DOK6: variants seen among roughly 807,000 people sequenced by gnomAD.
DOK6 encodes the protein downstream of tyrosine kinase 6.
Under a neutral mutation model 44.0 loss-of-function variants are expected in DOK6, and 22 were observed. The ratio of observed to expected loss-of-function variants is 0.50; its 90% CI spans 0.36 to 0.71. DOK6 has a LOEUF of 0.71. Ranked by LOEUF, DOK6 falls within the 30% of genes least tolerant of loss-of-function variation. DOK6 has a pLI of 0.00. For missense variants in DOK6, 340 were observed against 416.4 expected, an observed-to-expected ratio of 0.82 and a Z score of 1.60; for synonymous variants, 166 against 145.5, an observed-to-expected ratio of 1.14 and a Z score of -1.01.
intron 3 of DOK6, among the ~76,000 whole-genome samples, chr18:69,626,513 A>G (rs998246822): frequency 6.6e-6 from 1 of 152,226 alleles, no homozygotes; most frequent in African/African-American, 2.4e-5. Flanking sequence ...AGAAAAATCC[A>G]TGCTGGCAAA....
At chr18:69,691,055 G>A (rs1986253302) in intron 4 of DOK6, among the ~76,000 whole-genome samples, 1 of 151,846 alleles carries the variant, frequency 6.6e-6, no homozygotes, top group South Asian at 2.1e-4. Context: ...CATAGTGACA[G>A]GTGACTGTAA....
intron 7 of DOK6, among the ~76,000 whole-genome samples, chr18:69,784,030 A>G (rs1260290221): frequency 6.6e-6 from 1 of 152,114 alleles, no homozygotes; most frequent in Non-Finnish European, 1.5e-5. Context: ...ACCAAAAAAT[A>G]CAAAAAATTA....
chr18:69,448,701 C>T (rs1433129254), intron 1 of DOK6, among the ~76,000 whole-genome samples: 1 of 152,112 alleles, frequency 6.6e-6, no homozygotes, highest in Admixed American at 6.6e-5. Flanking sequence ...GTTGATTATA[C>T]CATCCTTGGT....
At chr18:69,512,379 CCCAGG>C (rs201802406) in intron 1 of DOK6, among the ~76,000 whole-genome samples, 5,974 of 142,514 alleles carry the variant, frequency 0.042, 178 homozygotes, top group Admixed American at 0.087. Flanking sequence ...CGCTCTGTCA[CCCAGG>C]CCAGGCTGGA....
intron 3 of DOK6, among the ~76,000 whole-genome samples, chr18:69,631,137 A>G (rs1006898360): frequency 2.0e-5 from 3 of 152,128 alleles, no homozygotes; most frequent in South Asian, 4.1e-4. Context: ...TCATTTTTGC[A>G]TTTCAGCATA....
chr18:69,762,925 C>A (rs966460577), intron 7 of DOK6, among the ~76,000 whole-genome samples: 1 of 152,176 alleles, frequency 6.6e-6, no homozygotes, highest in African/African-American at 2.4e-5. Context: ...AAGGTGAGAG[C>A]CTTAAAGTAA....
intron 5 of DOK6, among the ~76,000 whole-genome samples, chr18:69,700,968 A>G (rs1452654514): frequency 2.0e-5 from 3 of 152,236 alleles, no homozygotes; most frequent in Admixed American, 1.3e-4. Context: ...CTATTTATTT[A>G]TACTACTATA....
chr18:69,677,089 T>C (rs556764378), intron 3 of DOK6, among the ~76,000 whole-genome samples: 1 of 152,254 alleles, frequency 6.6e-6, no homozygotes, highest in African/African-American at 2.4e-5. Flanking sequence ...ATTTGTATTG[T>C]TTACAAAGAA....
intron 1 of DOK6, among the ~76,000 whole-genome samples, chr18:69,540,968 A>T (rs1982252709): frequency 6.6e-6 from 1 of 152,182 alleles, no homozygotes; most frequent in Non-Finnish European, 1.5e-5. Context: ...TTCGCCATTA[A>T]GTTTAATGCT....
intron 6 of DOK6, among the ~76,000 whole-genome samples, chr18:69,751,478 A>C (rs1210905722): frequency 1.3e-5 from 2 of 152,170 alleles, no homozygotes; most frequent in African/African-American, 4.8e-5. Flanking sequence ...GATACAGTGG[A>C]TTAAAAATTG....
intron 1 of DOK6, among the ~76,000 whole-genome samples, chr18:69,421,588 A>T (rs2122407956): frequency 6.6e-6 from 1 of 152,284 alleles, no homozygotes; most frequent in East Asian, 1.9e-4. Context: ...CTAAACAAGA[A>T]ATACAGATTT....
At chr18:69,545,191 A>G (rs1205249188) in intron 1 of DOK6, among the ~76,000 whole-genome samples, 1 of 150,902 alleles carries the variant, frequency 6.6e-6, no homozygotes, top group Admixed American at 6.6e-5. Flanking sequence ...AAAACAAAGG[A>G]CTATTTATTC....
chr18:69,489,222 C>A (rs1441579047), intron 1 of DOK6, among the ~76,000 whole-genome samples: 1 of 152,138 alleles, frequency 6.6e-6, no homozygotes, highest in Non-Finnish European at 1.5e-5. Flanking sequence ...GTTCTGAATC[C>A]CAACTTTTCA....
At chr18:69,509,904 G>A (rs1411999570) in intron 1 of DOK6, among the ~76,000 whole-genome samples, 25 of 152,180 alleles carry the variant, frequency 1.6e-4, no homozygotes, top group Admixed American at 1.4e-3. Flanking sequence ...GATGTGAAAT[G>A]CTTCCATTAT....
At chr18:69,716,347 C>T (rs12969527) in intron 5 of DOK6, among the ~76,000 whole-genome samples, 10,967 of 152,194 alleles carry the variant, frequency 0.072, 586 homozygotes, top group African/African-American at 0.15. Context: ...CCATGCAATG[C>T]GAACTATGAG....
intron 5 of DOK6, among the ~76,000 whole-genome samples, chr18:69,734,337 G>A (rs901175060): frequency 1.6e-5 from 2 of 123,170 alleles, no homozygotes; most frequent in Non-Finnish European, 1.6e-5. Context: ...TGTCCATTTT[G>A]CCTAGAGTTT....
At chr18:69,643,604 T>C (rs1984996874) in intron 3 of DOK6, 3 of 152,232 alleles carry the variant, frequency 2.0e-5, no homozygotes, top group Admixed American at 2.0e-4. Context: ...TTCCATTTTA[T>C]TGCTAAACAT....
At chr18:69,453,595 G>A (rs62096611) in intron 1 of DOK6, among the ~76,000 whole-genome samples, 16,676 of 63,644 alleles carry the variant, frequency 0.26, 1,730 homozygotes, top group East Asian at 0.46. Flanking sequence ...AGCCCGCATC[G>A]CCAAGTCAAT....
chr18:69,591,178 TA>T (rs758724379), intron 2 of DOK6, among the ~76,000 whole-genome samples: 2 of 152,170 alleles, frequency 1.3e-5, no homozygotes, highest in African/African-American at 4.8e-5. Flanking sequence ...GATGAAGTAG[TA>T]AGAAATACTA....
Sources: allele counts gnomAD v4.1 joint callset (sites outside exome capture counted in the v4.1 genomes callset), GRCh38; gene constraint gnomAD v4.1.1; transcripts MANE v1.5; gene names NCBI Gene and HGNC (gene_info 2026-07-23, HGNC 2026-07-21).